SNX32: variants seen among roughly 807,000 people sequenced by gnomAD.
SNX32 encodes sorting nexin 32, also known as sorting nexin-32.
In SNX32, 58 loss-of-function variants were observed where a neutral mutation model predicts 57.0. The ratio of observed to expected loss-of-function variants is 1.02; its 90% CI spans 0.82 to 1.27. SNX32 has a LOEUF of 1.27. SNX32 is among the 50% of genes most tolerant of loss of function. The pLI, the probability that SNX32 is intolerant of heterozygous loss-of-function variation, is 0.00. For missense variants in SNX32, 589 were observed against 541.2 expected (o/e 1.09, Z -0.88); for synonymous variants, 262 against 220.4 (o/e 1.19, Z -1.67).
At chr11:65,850,309 C>T (rs191943432) in intron 4 of SNX32, 38 bp downstream of exon 4, 542 of 1,613,974 alleles carry the variant, frequency 3.4e-4, no homozygotes, top group Non-Finnish European at 4.3e-4. Flanking sequence ...CCCCAGAGTC[C>T]AGATGTCTTC....
At chr11:65,851,566 G>T in intron 8 of SNX32, 74 bp from the exon 9 acceptor site, 1 of 1,580,206 alleles carries the variant, frequency 6.3e-7, no homozygotes, top group South Asian at 1.1e-5. Flanking sequence ...AGATTCCCAA[G>T]GAGAGGCTGA....
At position 65,851,493 on chromosome 11, in the gene SNX32, C is replaced by T. The variant is rs1859195209; in HGVS notation, c.785+90C>T. On this transcript the variant is annotated intron_variant, in intron 8 of 12. Transcript: ENST00000308342. ...TCACTCTGTAGATGTCTACTGTCAG[C>T]TCTAGGTGGGAGGTGTAGGCTCTCC... 4 of 1,531,344 alleles carry T rather than the reference C, an allele frequency of 2.6e-6. No homozygotes were observed. The South Asian group carries it at 3.4e-5, about 13-fold the overall frequency. The allele number at this position is 1,531,344 out of a possible 1,614,324, so 94.9% of individuals were successfully genotyped here.
intron 12 of SNX32, 146 bp downstream of exon 12, chr11:65,853,104 T>G: frequency 7.9e-7 from 1 of 1,266,130 alleles, no homozygotes; most frequent in Non-Finnish European, 1.1e-6. Flanking sequence ...CAGCTAAGGC[T>G]TGGGGCCATG....
chr11:65,837,942 G>T (rs890710758), intron 1 of SNX32, among the ~76,000 whole-genome samples: 8 of 151,940 alleles, frequency 5.3e-5, no homozygotes, highest in Non-Finnish European at 8.8e-5. Flanking sequence ...GATCACCTGA[G>T]GTCAGGAGTT....
intron 1 of SNX32, among the ~76,000 whole-genome samples, chr11:65,845,266 C>T (rs905240197): frequency 6.6e-5 from 10 of 151,626 alleles, no homozygotes; most frequent in East Asian, 1.9e-4. Context: ...AGTGAAACCC[C>T]GTCTCTACTA....
At chr11:65,849,224 C>T (rs1859087417) in intron 1 of SNX32, among the ~76,000 whole-genome samples, 1 of 152,198 alleles carries the variant, frequency 6.6e-6, no homozygotes, top group African/African-American at 2.4e-5. Flanking sequence ...AGTTACTTCT[C>T]CTCTGGTTGT....
rs564035541 is a variant in SNX32, at chr11:65,843,601, T to A, written c.37-5877T>A. Among the ~76,000 whole-genome samples the A allele has an allele frequency of 1.2e-4, 18 of 152,264 alleles. No individual in the cohort carries two copies. The South Asian group carries it at 2.5e-3, about 21-fold the overall frequency. ...AGAAAAAGAAAAAGAAAATGGATTATAGATACAACTGCAAGAGCTTAAACT... is the reference window on the plus strand; with the variant it reads ...AGAAAAAGAAAAAGAAAATGGATTAAAGATACAACTGCAAGAGCTTAAACT... On this transcript the variant is annotated intron_variant, in intron 1 of 12. Coordinates refer to ENST00000308342, the MANE Select transcript of SNX32 (RefSeq NM_152760.3).
chr11:65,853,103 C>A, intron 12 of SNX32, 145 bp downstream of exon 12: 2 of 1,267,044 alleles, frequency 1.6e-6, no homozygotes, highest in Admixed American at 1.7e-5. Flanking sequence ...CCAGCTAAGG[C>A]TTGGGGCCAT....
intron 11 of SNX32, 36 bp downstream of exon 11, chr11:65,852,825 C>A (rs1342355170): frequency 5.0e-6 from 8 of 1,612,178 alleles, no homozygotes; most frequent in Admixed American, 1.7e-5. Context: ...CCTGGGGCCA[C>A]ATGCCCTGCC....
At chr11:65,837,827 A>AAAC (rs1262583724) in intron 1 of SNX32, among the ~76,000 whole-genome samples, 2 of 151,054 alleles carry the variant, frequency 1.3e-5, no homozygotes, top group Non-Finnish European at 3.0e-5. Flanking sequence ...CAAAAAAAAA[A>AAAC]AAAAAAAAAA....
rs752325256 is a variant in SNX32 at position 65,851,141 on chromosome 11, C to T, written c.690C>T (p.Arg230=). ...GAGATGCCTGCCTGCGGGCCGACCG[C>T]GTCATGCGCGCCCACAAGTGTACGC... ...RIRDACLRAD[R]VMRAHKCLAD... is the part of the protein sequence containing the mutation. The change falls in exon 7 of 13, where the codon CGC becomes CGT. Residue 230 remains arginine, a synonymous_variant. Coordinates refer to ENST00000308342, the MANE Select transcript of SNX32 (RefSeq NM_152760.3). 8.1e-6 allele frequency: 13 copies of T among 1,612,888 alleles called. No homozygotes were observed. In the East Asian group the frequency reaches 1.1e-4, roughly 14 times the overall value.
chr11:65,845,135 TA>T lies in SNX32; in HGVS notation c.37-4321del, dbSNP rs766803127. ...GCATAGCGAGAACACCCCCCTGCTT[TA>T]AAAAAAAAAAAAAAAAAAAAAGGCT... On this transcript the variant is annotated intron_variant, in intron 1 of 12. Transcript: ENST00000308342. Among the ~76,000 whole-genome samples the T allele has an allele frequency of 4.6e-3, 466 of 101,964 alleles. 1 individual carries two copies. The highest frequency in any genetic ancestry group is 0.017 in the South Asian group (52 of 3,136). The allele number at this position is 101,964 out of a possible 152,430, so 66.9% of individuals were successfully genotyped here.
chr11:65,837,932 G>C (rs1171103814), intron 1 of SNX32, among the ~76,000 whole-genome samples: 1 of 151,914 alleles, frequency 6.6e-6, no homozygotes, highest in Non-Finnish European at 1.5e-5. Context: ...AAGGTGGGTA[G>C]ATCACCTGAG....
intron 1 of SNX32, among the ~76,000 whole-genome samples, 170 bp downstream of exon 1, chr11:65,834,271 CTGTGTGTA>C (rs1858589118): frequency 6.7e-6 from 1 of 149,890 alleles, no homozygotes; most frequent in Admixed American, 6.6e-5. Flanking sequence ...CTCTGTGTGT[CTGTGTGTA>C]TGTCGATGTG....
intron 7 of SNX32, 34 bp from the exon 8 acceptor site, chr11:65,851,294 T>A (rs181401262): frequency 9.3e-6 from 15 of 1,612,592 alleles, no homozygotes; most frequent in Non-Finnish European, 1.2e-5. Flanking sequence ...GACATGCAGA[T>A]GTAGGGGCTC....
intron 12 of SNX32, 58 bp from the exon 13 acceptor site, chr11:65,853,224 A>C: frequency 1.2e-6 from 2 of 1,612,452 alleles, no homozygotes; most frequent in Non-Finnish European, 1.7e-6. Context: ...AGGTGCAGAA[A>C]GAATGGCAGC....
rs1282416028 is a variant in SNX32 at position 65,847,491 on chromosome 11, A to AT, written c.37-1987_37-1986insT. 3.8e-3 allele frequency among the ~76,000 whole-genome samples: 582 copies of AT among 152,108 alleles called. 6 individuals are homozygous for AT. Among genetic ancestry groups the AT allele is most frequent in the African/African-American group, 0.013 (526 of 41,484 alleles). ...ACCCTGTCTCCAAATAAATAAATAA[A>AT]ATATATATCTATCATGATCTGAGTT... On this transcript the variant is annotated intron_variant, in intron 1 of 12. Coordinates refer to ENST00000308342, the MANE Select transcript of SNX32 (RefSeq NM_152760.3).
At position 65,851,400 on chromosome 11, in the gene SNX32, G is replaced by A; in HGVS notation, c.782G>A (p.Arg261Lys). 1 of 1,614,138 alleles carries A rather than the reference G, an allele frequency of 6.2e-7. No homozygotes were observed. Among genetic ancestry groups the A allele is most frequent in the Non-Finnish European group, 8.5e-7 (1 of 1,179,978 alleles). Residue 261 changes from arginine (R) to lysine (K), a missense_variant, in exon 8 of 13, where the codon AGG becomes AAG. Coordinates refer to ENST00000308342, the MANE Select transcript of SNX32 (RefSeq NM_152760.3). ...GGAACACAGGAAGTCAACCAGCTAAGGACGTGAGGACTCCCCCCACCCCTA... is the reference window on the plus strand; with the variant it reads ...GGAACACAGGAAGTCAACCAGCTAAAGACGTGAGGACTCCCCCCACCCCTA... ...SLGTQEVNQL[R>K]TSFLKLAELF... is the part of the protein sequence containing the mutation.
At chr11:65,850,928 G>T (rs1591038942) in intron 6 of SNX32, 73 bp downstream of exon 6, 4 of 1,531,950 alleles carry the variant, frequency 2.6e-6, no homozygotes, top group East Asian at 2.3e-5. Flanking sequence ...GCCCAGGCTG[G>T]GTGTGGGAAG....
Sources: allele counts gnomAD v4.1 joint callset (sites outside exome capture counted in the v4.1 genomes callset), GRCh38; gene constraint gnomAD v4.1.1; transcripts MANE v1.5; gene names NCBI Gene and HGNC (gene_info 2026-07-23, HGNC 2026-07-21).